Variants in IRAK2 observed in about 807,000 individuals in gnomAD.
IRAK2 encodes interleukin 1 receptor associated kinase 2.
A neutral mutation model predicts 72.0 loss-of-function variants in IRAK2; 57 were observed. The observed-to-expected ratio is 0.79, with a 90% confidence interval of 0.64 to 0.99. IRAK2 has a LOEUF of 0.99. IRAK2 is among the 50% of genes least tolerant of loss of function. The probability of loss-of-function intolerance (pLI) is 0.00; values close to 1 mark genes in which losing one functional copy is unlikely to be tolerated. For synonymous variants in IRAK2, 293 were observed against 312.7 expected (o/e 0.94, Z 0.67); for missense variants, 790 against 794.4 (o/e 0.99, Z 0.07).
At position 10,242,251 on chromosome 3, in the gene IRAK2, C is replaced by A; in HGVS notation, c.*23C>A. 1 of 1,357,312 alleles carries A rather than the reference C, an allele frequency of 7.4e-7. No individual in the cohort carries two copies. The highest frequency in any genetic ancestry group is 1.0e-6 in the Non-Finnish European group (1 of 962,294). 84.1% of individuals were successfully genotyped at this position (1,357,312 alleles called of 1,614,324 possible). A position where few individuals can be genotyped will look rare whatever the true frequency, so the allele number is the denominator to read the frequency against. On this transcript the variant is annotated 3_prime_UTR_variant, in exon 13 of 13. Coordinates refer to ENST00000256458, the MANE Select transcript of IRAK2 (RefSeq NM_001570.4). Reference sequence around the variant, plus strand: ...TGATGACCGGAACACAGCTGAGGACCCTTGTCCTCAGTTGGAAAGATGAGC... The same window carrying A: ...TGATGACCGGAACACAGCTGAGGACACTTGTCCTCAGTTGGAAAGATGAGC...
At chr3:10,199,694 C>G (rs1036418415) in intron 2 of IRAK2, among the ~76,000 whole-genome samples, 3 of 152,062 alleles carry the variant, frequency 2.0e-5, no homozygotes, top group African/African-American at 7.2e-5. Flanking sequence ...ACTCTCCTTT[C>G]CCACATGACA....
chr3:10,222,860 G>C, intron 9 of IRAK2, 29 bp downstream of exon 9: 8 of 1,597,586 alleles, frequency 5.0e-6, no homozygotes, highest in Non-Finnish European at 6.9e-6. Flanking sequence ...GCGTAGAGTG[G>C]GGCCCACCTT....
At position 10,200,514 on chromosome 3, in the gene IRAK2, A is replaced by G. The variant is rs144876582; in HGVS notation, c.423A>G (p.Pro141=). Residue 141 remains proline, a splice_region_variant and synonymous_variant, in exon 3 of 13, where the codon CCA becomes CCG. Transcript: ENST00000256458. ...TGAGGATGGCCACCTTTCCAGGCCC[A>G]GGTATTTTAAATTTAACTTTTTTAC... The part of the protein sequence containing the change: ...QPVRMATFPG[P]GSSPARAHQP... 1.2e-4 allele frequency: 191 copies of G among 1,551,024 alleles called. 1 individual carries two copies. In the East Asian group the frequency reaches 2.2e-3, roughly 18 times the overall value.
At chr3:10,170,385 C>A (rs1355186865) in intron 1 of IRAK2, among the ~76,000 whole-genome samples, 2 of 152,164 alleles carry the variant, frequency 1.3e-5, no homozygotes, top group Non-Finnish European at 2.9e-5. Context: ...TGTAAGGTAC[C>A]ATATTCACAG....
intron 2 of IRAK2, among the ~76,000 whole-genome samples, chr3:10,190,275 G>C (rs957546227): frequency 7.7e-5 from 10 of 129,448 alleles, no homozygotes; most frequent in African/African-American, 3.2e-4. Context: ...GGTTTTCTTT[G>C]TTTCTTTTTT....
chr3:10,187,992 G>T (rs1015789615), intron 2 of IRAK2, among the ~76,000 whole-genome samples: 4 of 152,294 alleles, frequency 2.6e-5, no homozygotes, highest in African/African-American at 9.6e-5. Context: ...TTTTCCAGAT[G>T]ACCAGGCTTA....
chr3:10,165,836 T>C (rs560296115), intron 1 of IRAK2, among the ~76,000 whole-genome samples: 4 of 150,586 alleles, frequency 2.7e-5, no homozygotes, highest in South Asian at 2.1e-4. Context: ...GTTCACGCCA[T>C]TCTCCTGCCT....
intron 1 of IRAK2, among the ~76,000 whole-genome samples, chr3:10,168,215 A>ATTTT (rs552806898): frequency 6.9e-6 from 1 of 144,130 alleles, no homozygotes; most frequent in South Asian, 2.2e-4. Context: ...TCTTTTTTTA[A>ATTTT]TTTTTTTTTT....
chr3:10,231,554 A>G (rs1473639876), intron 10 of IRAK2, among the ~76,000 whole-genome samples: 2 of 152,064 alleles, frequency 1.3e-5, no homozygotes, highest in Admixed American at 1.3e-4. Flanking sequence ...TGGCCTCCCA[A>G]AGTGTTGGGA....
chr3:10,184,733 T>G (rs1422020205), intron 2 of IRAK2, among the ~76,000 whole-genome samples: 2 of 58,934 alleles, frequency 3.4e-5, no homozygotes, highest in African/African-American at 6.6e-5. Context: ...GTTTTTTTTT[T>G]TTTTTTTTTT....
intron 3 of IRAK2, among the ~76,000 whole-genome samples, chr3:10,205,404 A>T (rs1000988905): frequency 3.3e-5 from 5 of 152,118 alleles, no homozygotes; most frequent in Non-Finnish European, 4.4e-5. Flanking sequence ...GGATAAATAA[A>T]CCCAACTAAT....
chr3:10,225,020 T>G (rs1490051576), intron 9 of IRAK2, among the ~76,000 whole-genome samples: 27 of 151,998 alleles, frequency 1.8e-4, no homozygotes, highest in Non-Finnish European at 7.4e-5. Context: ...CCTTGTTCTG[T>G]CCCTTCCTGG....
At chr3:10,197,180 C>G (rs1178218172) in intron 2 of IRAK2, among the ~76,000 whole-genome samples, 14 of 151,356 alleles carry the variant, frequency 9.2e-5, no homozygotes, top group Admixed American at 9.2e-4. Context: ...GAGTTCAAGA[C>G]CAGCCTGGCC....
intron 11 of IRAK2, among the ~76,000 whole-genome samples, 179 bp downstream of exon 11, chr3:10,234,838 G>A (rs555282757): frequency 2.0e-5 from 3 of 152,370 alleles, no homozygotes; most frequent in Admixed American, 2.0e-4. Flanking sequence ...TGCGGAGCCC[G>A]AGGACGGGTA....
intron 3 of IRAK2, among the ~76,000 whole-genome samples, chr3:10,202,144 A>G (rs1697369269): frequency 1.3e-5 from 2 of 152,188 alleles, no homozygotes; most frequent in Non-Finnish European, 2.9e-5. Flanking sequence ...TATTTCCTGT[A>G]GCTAAATATA....
At chr3:10,226,904 C>G (rs1233419476) in intron 10 of IRAK2, among the ~76,000 whole-genome samples, 1 of 147,468 alleles carries the variant, frequency 6.8e-6, no homozygotes, top group Admixed American at 6.9e-5. Context: ...CAAGATTATG[C>G]CACTGCACTC....
chr3:10,188,528 G>T (rs949593859), intron 2 of IRAK2, among the ~76,000 whole-genome samples: 9 of 150,588 alleles, frequency 6.0e-5, no homozygotes, highest in East Asian at 1.9e-4. Flanking sequence ...ATTTATTTAT[G>T]TATTTATTTA....
At position 10,243,454 on chromosome 3, in the gene IRAK2, A is replaced by C. The variant is rs1367108203; in HGVS notation, c.*1226A>C. On this transcript the variant is annotated 3_prime_UTR_variant, in exon 13 of 13. Transcript: ENST00000256458. ...TTGGGACCTCAGTTTCTTTGTAAGT[A>C]AAATAACACCTGCTTGTTCTTCATC... The C allele has an allele frequency of 6.5e-6, 1 of 152,672 alleles. No homozygotes were observed. Among genetic ancestry groups the C allele is most frequent in the Non-Finnish European group, 1.5e-5 (1 of 68,036 alleles). 9.5% of individuals were successfully genotyped at this position (152,672 alleles called of 1,614,324 possible). A position where few individuals can be genotyped will look rare whatever the true frequency, so the allele number is the denominator to read the frequency against.
chr3:10,175,473 G>C (rs540580891), intron 1 of IRAK2, among the ~76,000 whole-genome samples: 261 of 152,244 alleles, frequency 1.7e-3, no homozygotes, highest in African/African-American at 5.4e-3. Context: ...AGAATCTCAG[G>C]TGAGGCATGG....
Sources: gnomAD v4.1 joint callset for allele counts (sites outside exome capture counted in the v4.1 genomes callset) on GRCh38, gnomAD v4.1.1 for gene constraint, MANE v1.5 for transcripts, NCBI Gene and HGNC (gene_info 2026-07-23, HGNC 2026-07-21) for gene names.